ZNF723: variants seen among roughly 807,000 people sequenced by gnomAD.
ZNF723 encodes the protein zinc finger protein 723, also known as zinc finger protein 723, pseudogene.
In ZNF723, 5 loss-of-function variants were observed where a neutral mutation model predicts 9.4. The ratio of observed to expected loss-of-function variants is 0.53; its 90% CI spans 0.28 to 1.12. The LOEUF is 1.12. Among genes scored for constraint, ZNF723 ranks in the 50% most tolerant of loss-of-function variants. The pLI is 0.10. For synonymous variants in ZNF723, 158 were observed against 168.8 expected, an observed-to-expected ratio of 0.94 and a Z score of 0.49; for missense variants, 450 against 501.5, an observed-to-expected ratio of 0.90 and a Z score of 0.98.
chr19:22,853,501 G>A (rs1203889252), intron 3 of ZNF723, among the ~76,000 whole-genome samples: 2 of 151,766 alleles, frequency 1.3e-5, no homozygotes, highest in African/African-American at 2.4e-5. Flanking sequence ...AATTTTTCAG[G>A]TTTTTTTCTA....
intron 2 of ZNF723, 136 bp from the exon 3 acceptor site, chr19:22,849,062 T>C: frequency 8.5e-6 from 3 of 354,822 alleles, no homozygotes; most frequent in Middle Eastern, 7.1e-4. Flanking sequence ...GCCCATTTTC[T>C]AAATATTAAG....
In ZNF723 at chr19:22,854,154, TAC is replaced by T. The variant is rs71163412; in HGVS notation, c.227-2944_227-2943del. ...ATATATTTGAAAGCCAAATGTGAGA[TAC>T]ACACACACACACACACACATTTGTT... On this transcript the variant is annotated intron_variant, in intron 3 of 3. Transcript: ENST00000600766. Among the ~76,000 whole-genome samples, 1,147 of 149,446 alleles carry T rather than the reference TAC, an allele frequency of 7.7e-3. 14 individuals are homozygous for T. The highest frequency in any genetic ancestry group is 0.026 in the African/African-American group (1,062 of 41,072).
chr19:22,852,398 T>C (rs1361131200), intron 3 of ZNF723, among the ~76,000 whole-genome samples: 1 of 152,196 alleles, frequency 6.6e-6, no homozygotes, highest in African/African-American at 2.4e-5. Context: ...CAAAATCAAA[T>C]ATTAGTCTTT....
chr19:22,836,335 A>T (rs773459715), intron 1 of ZNF723, among the ~76,000 whole-genome samples: 4 of 152,184 alleles, frequency 2.6e-5, no homozygotes, highest in Non-Finnish European at 5.9e-5. Context: ...TCTTGCTTTG[A>T]GGCAGTTTCT....
At chr19:22,835,409 G>A (rs10421735) in intron 1 of ZNF723, among the ~76,000 whole-genome samples, 8,139 of 151,790 alleles carry the variant, frequency 0.054, 699 homozygotes, top group African/African-American at 0.18. Context: ...ACTGAAAATT[G>A]CATTTTATTA....
intron 1 of ZNF723, among the ~76,000 whole-genome samples, chr19:22,846,057 G>T (rs1483166323): frequency 6.6e-6 from 1 of 150,524 alleles, no homozygotes; most frequent in Non-Finnish European, 1.5e-5. Context: ...ATAGTCAAGG[G>T]TCTCTGAACA....
upstream of ZNF723, among the ~76,000 whole-genome samples, chr19:22,829,205 A>T (rs967070215): frequency 4.7e-5 from 7 of 147,372 alleles, no homozygotes; most frequent in African/African-American, 1.8e-4. Flanking sequence ...ATAATAAAAT[A>T]ACCGGAAGCC....
At chr19:22,820,198 C>T in the ZNF723 span, among the ~76,000 whole-genome samples, 52,053 of 151,918 alleles carry the variant, frequency 0.34, 9,017 homozygotes, top group African/African-American at 0.41. Flanking sequence ...TATCTCTGCA[C>T]GTGTCACTTA....
chr19:22,816,952 C>G, the ZNF723 span, among the ~76,000 whole-genome samples: 1 of 152,256 alleles, frequency 6.6e-6, no homozygotes, highest in Non-Finnish European at 1.5e-5. Context: ...TGTGACATAA[C>G]TGCTGTAACC....
chr19:22,852,628 CTT>C (rs1375051804), intron 3 of ZNF723, among the ~76,000 whole-genome samples: 2 of 152,084 alleles, frequency 1.3e-5, no homozygotes, highest in Non-Finnish European at 1.5e-5. Flanking sequence ...AATTTAAAAA[CTT>C]ATCAGAACTT....
chr19:22,819,983 C>G, the ZNF723 span, among the ~76,000 whole-genome samples: 3 of 152,170 alleles, frequency 2.0e-5, no homozygotes, highest in Non-Finnish European at 4.4e-5. Flanking sequence ...CATTTATTAC[C>G]TGTGTTATGT....
Position 22,832,394 on chromosome 19 carries a change from G to C in ZNF723, c.3+12G>C. On this transcript the variant is annotated intron_variant, in intron 1 of 3. Coordinates refer to ENST00000600766, the MANE Select transcript of ZNF723 (RefSeq NM_001349726.2). ...GAAGCCTAGAAATGGTGAGAGTACC[G>C]GGTCCGACATCCCGAGAGAGGGGAA... The C allele has an allele frequency of 7.3e-7, 1 of 1,378,840 alleles. No individual in the cohort carries two copies. The highest frequency in any genetic ancestry group is 1.0e-6 in the Non-Finnish European group (1 of 983,682). The allele number at this position is 1,378,840 out of a possible 1,614,324, so 85.4% of individuals were successfully genotyped here.
At chr19:22,848,634 T>G (rs1024936404) in intron 2 of ZNF723, among the ~76,000 whole-genome samples, 1 of 152,140 alleles carries the variant, frequency 6.6e-6, no homozygotes, top group African/African-American at 2.4e-5. Context: ...TAGCGATCAT[T>G]TCAAAATTTA....
intron 3 of ZNF723, among the ~76,000 whole-genome samples, chr19:22,851,326 C>A (rs916667343): frequency 6.6e-6 from 1 of 151,934 alleles, no homozygotes; most frequent in African/African-American, 2.4e-5. Flanking sequence ...CACGAGCAAC[C>A]ACACCCAACT....
At chr19:22,816,110 G>A in the ZNF723 span, among the ~76,000 whole-genome samples, 1 of 152,182 alleles carries the variant, frequency 6.6e-6, no homozygotes, top group Non-Finnish European at 1.5e-5. Context: ...GTCTATATGA[G>A]CACAAATGTC....
chr19:22,846,908 T>A (rs547009865), intron 1 of ZNF723, among the ~76,000 whole-genome samples: 136 of 136,352 alleles, frequency 1.0e-3, no homozygotes, highest in Non-Finnish European at 1.6e-3. Context: ...CCAACCAGCC[T>A]ATAATTTACT....
intron 3 of ZNF723, among the ~76,000 whole-genome samples, chr19:22,849,583 T>G (rs945601989): frequency 5.9e-5 from 9 of 152,118 alleles, no homozygotes; most frequent in Non-Finnish European, 1.3e-4. Flanking sequence ...TTTCATATTT[T>G]CAAGGGAACC....
Position 22,858,526 on chromosome 19 carries a change from G to A in ZNF723, c.*93G>A. 1 of 570,032 alleles carries A rather than the reference G, an allele frequency of 1.8e-6. No homozygotes were observed. Among genetic ancestry groups the A allele is most frequent in the Non-Finnish European group, 3.1e-6 (1 of 327,012 alleles). 35.3% of individuals were successfully genotyped at this position (570,032 alleles called of 1,614,324 possible). A position where few individuals can be genotyped will look rare whatever the true frequency, so the allele number is the denominator to read the frequency against. On this transcript the variant is annotated 3_prime_UTR_variant, in exon 4 of 4. Transcript: ENST00000600766. Reference sequence around the variant, plus strand: ...CTTACGCCTGTAATCCCAGCACTTTGGGAGGCCGAGGCGGGCAGATCACCT... The same window carrying A: ...CTTACGCCTGTAATCCCAGCACTTTAGGAGGCCGAGGCGGGCAGATCACCT...
chr19:22,840,978 A>T (rs1332997675), intron 1 of ZNF723: 1 of 152,260 alleles, frequency 6.6e-6, no homozygotes, highest in Non-Finnish European at 1.5e-5. Flanking sequence ...TTCATGTAAG[A>T]TGTGAGCTGC....
Sources: allele counts gnomAD v4.1 joint callset (sites outside exome capture counted in the v4.1 genomes callset), GRCh38; gene constraint gnomAD v4.1.1; transcripts MANE v1.5; gene names NCBI Gene and HGNC (gene_info 2026-07-23, HGNC 2026-07-21).